TEAD1: variants seen among roughly 807,000 people sequenced by gnomAD.
TEAD1 encodes TEA domain transcription factor 1, also known as transcriptional enhancer factor TEF-1.
Under a neutral mutation model 54.9 loss-of-function variants are expected in TEAD1, and 9 were observed. The ratio of observed to expected loss-of-function variants is 0.16; its 90% CI spans 0.10 to 0.29. The LOEUF (loss-of-function observed/expected upper bound fraction) is 0.29. TEAD1 is among the 10% of genes least tolerant of loss of function. The probability of loss-of-function intolerance (pLI) is 1.00; values close to 1 mark genes in which losing one functional copy is unlikely to be tolerated. For synonymous variants in TEAD1, 200 were observed against 187.8 expected, an observed-to-expected ratio of 1.07 and a Z score of -0.53; for missense variants, 387 against 535.9, an observed-to-expected ratio of 0.72 and a Z score of 2.74.
At chr11:12,682,646 A>G (rs950737822) in intron 2 of TEAD1, among the ~76,000 whole-genome samples, 5 of 152,094 alleles carry the variant, frequency 3.3e-5, no homozygotes, top group African/African-American at 4.8e-5. Context: ...TGAAATCCAG[A>G]TGCTCCTGGT....
chr11:12,750,945 C>T (rs1049802958), intron 2 of TEAD1, among the ~76,000 whole-genome samples: 15 of 152,154 alleles, frequency 9.9e-5, no homozygotes, highest in East Asian at 5.8e-4. Context: ...TCATTATTTC[C>T]GGCAACCATT....
intron 3 of TEAD1, among the ~76,000 whole-genome samples, chr11:12,854,623 A>T (rs1324279763): frequency 6.6e-6 from 1 of 151,672 alleles, no homozygotes; most frequent in East Asian, 1.9e-4. Flanking sequence ...ACAGGGTCTC[A>T]CTCTGTTGTC....
chr11:12,803,363 A>G lies in TEAD1; in HGVS notation c.202+38929A>G, dbSNP rs77930303. On this transcript the variant is annotated intron_variant, in intron 3 of 12. Transcript: ENST00000527636. ...ATGAGTCTGAATGTGAATTAGTCAG[A>G]GCAGCTTTGTTTTTAGGCATAATGA... Among the ~76,000 whole-genome samples the G allele has an allele frequency of 7.3e-3, 1,116 of 152,312 alleles. 11 individuals carry two copies. Among genetic ancestry groups the G allele is most frequent in the East Asian group, 0.042 (217 of 5,188 alleles).
intron 3 of TEAD1, among the ~76,000 whole-genome samples, chr11:12,772,601 ATTAC>A (rs1211989775): frequency 6.6e-6 from 1 of 152,174 alleles, no homozygotes; most frequent in African/African-American, 2.4e-5. Flanking sequence ...AGCAGAGAGT[ATTAC>A]TTTCTTTTTT....
chr11:12,892,537 G>C (rs984601197), intron 9 of TEAD1, among the ~76,000 whole-genome samples: 1 of 152,122 alleles, frequency 6.6e-6, no homozygotes, highest in South Asian at 2.1e-4. Context: ...CCAGCTACTC[G>C]GGAGGCTGAG....
chr11:12,719,461 T>G (rs1944133611), intron 2 of TEAD1, among the ~76,000 whole-genome samples: 1 of 151,652 alleles, frequency 6.6e-6, no homozygotes, highest in African/African-American at 2.4e-5. Context: ...TCAGCCACAG[T>G]CCCTAACCAC....
At chr11:12,717,418 G>A (rs1944088305) in intron 2 of TEAD1, among the ~76,000 whole-genome samples, 1 of 152,214 alleles carries the variant, frequency 6.6e-6, no homozygotes, top group Non-Finnish European at 1.5e-5. Flanking sequence ...AAGATGTGCT[G>A]TGTAAGGTGG....
intron 10 of TEAD1, among the ~76,000 whole-genome samples, chr11:12,921,542 A>AAAAG (rs1948807287): frequency 6.6e-6 from 1 of 151,606 alleles, no homozygotes. Context: ...CCATCTCAAA[A>AAAAG]AAAAAAAAAA....
chr11:12,738,050 C>T (rs1179609903), intron 2 of TEAD1, among the ~76,000 whole-genome samples: 1 of 151,994 alleles, frequency 6.6e-6, no homozygotes, highest in Non-Finnish European at 1.5e-5. Context: ...ACCACAAGAA[C>T]AGTATGGGGG....
intron 9 of TEAD1, among the ~76,000 whole-genome samples, chr11:12,894,206 G>A (rs1007929347): frequency 3.0e-4 from 45 of 152,170 alleles, no homozygotes; most frequent in African/African-American, 7.7e-4. Context: ...GTTTCACTAC[G>A]TTCTTCAAAT....
At chr11:12,916,019 T>A (rs1291487776) in intron 10 of TEAD1, among the ~76,000 whole-genome samples, 1 of 152,174 alleles carries the variant, frequency 6.6e-6, no homozygotes, top group South Asian at 2.1e-4. Flanking sequence ...TATTTTTGTT[T>A]TCTGTTGCTG....
chr11:12,823,617 A>G (rs919693518), intron 3 of TEAD1: 39 of 152,190 alleles, frequency 2.6e-4, no homozygotes, highest in African/African-American at 8.7e-4. Context: ...CTTGATGTGA[A>G]TAATTTATTT....
intron 3 of TEAD1, among the ~76,000 whole-genome samples, chr11:12,780,389 G>A (rs1359892260): frequency 6.6e-6 from 1 of 151,840 alleles, no homozygotes; most frequent in Non-Finnish European, 1.5e-5. Context: ...GATTACAGGT[G>A]CCTGCCACCA....
chr11:12,923,600 CT>C (rs1171521755), intron 10 of TEAD1, among the ~76,000 whole-genome samples: 2 of 152,170 alleles, frequency 1.3e-5, no homozygotes, highest in African/African-American at 4.8e-5. Flanking sequence ...CTGTGGCTGT[CT>C]TTGGTCTGTT....
At chr11:12,827,764 G>C (rs973359126) in intron 3 of TEAD1, among the ~76,000 whole-genome samples, 1 of 152,296 alleles carries the variant, frequency 6.6e-6, no homozygotes, top group Admixed American at 6.5e-5. Flanking sequence ...TGACACTGGT[G>C]ATATGGGAGA....
intron 3 of TEAD1, among the ~76,000 whole-genome samples, chr11:12,858,112 A>G (rs763178754): frequency 6.6e-6 from 1 of 152,142 alleles, no homozygotes; most frequent in Non-Finnish European, 1.5e-5. Context: ...TCTAAAAGAA[A>G]TAAAGGAAAT....
chr11:12,747,615 C>T (rs551260927), intron 2 of TEAD1, among the ~76,000 whole-genome samples: 2 of 152,306 alleles, frequency 1.3e-5, no homozygotes, highest in South Asian at 2.1e-4. Context: ...GGATTACAGG[C>T]GTGAGCCACC....
intron 2 of TEAD1, among the ~76,000 whole-genome samples, chr11:12,703,114 A>G (rs1382752450): frequency 2.0e-5 from 3 of 152,104 alleles, no homozygotes; most frequent in East Asian, 3.9e-4. Context: ...CACCCAACCA[A>G]TGAGCGCATT....
At chr11:12,680,977 G>T (rs1015471881) in intron 2 of TEAD1, among the ~76,000 whole-genome samples, 2 of 152,148 alleles carry the variant, frequency 1.3e-5, no homozygotes, top group African/African-American at 4.8e-5. Context: ...GTGGCTGGGG[G>T]TGTCTTGGGG....
Sources: allele counts gnomAD v4.1 joint callset (sites outside exome capture counted in the v4.1 genomes callset), GRCh38; gene constraint gnomAD v4.1.1; transcripts MANE v1.5; gene names NCBI Gene and HGNC (gene_info 2026-07-23, HGNC 2026-07-21).